The following ARHGEF2 variants were observed in gnomAD, a reference collection of about 807,000 sequenced individuals.
The protein encoded by ARHGEF2 is Rho/Rac guanine nucleotide exchange factor 2, also known as rho guanine nucleotide exchange factor 2.
Under a neutral mutation model 121.0 loss-of-function variants are expected in ARHGEF2, and 22 were observed. That is an observed-to-expected ratio of 0.18 (90% CI 0.13 to 0.26). ARHGEF2 has a LOEUF of 0.26. Ranked by LOEUF, ARHGEF2 falls within the 10% of genes least tolerant of loss-of-function variation. The pLI is 1.00. For synonymous variants in ARHGEF2, 487 were observed against 530.0 expected, an observed-to-expected ratio of 0.92 and a Z score of 1.11; for missense variants, 907 against 1,336.0, an observed-to-expected ratio of 0.68 and a Z score of 5.01.
Position 155,951,440 on chromosome 1 carries a change from C to T in ARHGEF2, c.2259+43G>A. On this transcript the variant is annotated intron_variant, in intron 19 of 21. Coordinates refer to ENST00000361247, the MANE Select transcript of ARHGEF2 (RefSeq NM_001162383.2). This position sits in a 1 kb window ranked among gnomAD's most constrained non-coding sequence, Gnocchi z 5.1. Reference sequence around the variant, plus strand: ...GCCCCACCTAAACAGGCATCTCTAGCCTGGCTCCTCCCCTTCCCCATTCAA... The same window carrying T: ...GCCCCACCTAAACAGGCATCTCTAGTCTGGCTCCTCCCCTTCCCCATTCAA... 6.2e-7 allele frequency: 1 copy of T among 1,612,518 alleles called. No homozygotes were observed. The highest frequency in any genetic ancestry group is 8.5e-7 in the Non-Finnish European group (1 of 1,178,554).
At position 155,965,903 on chromosome 1, in the gene ARHGEF2, G is replaced by T; in HGVS notation, c.341-143C>A. On this transcript the variant is annotated intron_variant, in intron 4 of 21. Transcript: ENST00000361247. This position sits in a 1 kb window ranked among gnomAD's most constrained non-coding sequence, Gnocchi z 6.0. Reference sequence around the variant, plus strand: ...AGTCAAGAAAGATGGTAATGAGAATGCCACCTTACATTTGTGCCATACTCT... The same window carrying T: ...AGTCAAGAAAGATGGTAATGAGAATTCCACCTTACATTTGTGCCATACTCT... 1 of 1,040,258 alleles carries T rather than the reference G, an allele frequency of 9.6e-7. No individual in the cohort carries two copies. Among genetic ancestry groups the T allele is most frequent in the Non-Finnish European group, 1.3e-6 (1 of 755,530 alleles). 64.4% of individuals were successfully genotyped at this position (1,040,258 alleles called of 1,614,324 possible).
At chr1:155,957,935 T>C (rs1677038830) in intron 12 of ARHGEF2, 53 bp from the exon 13 acceptor site, 1 of 1,562,914 alleles carries the variant, frequency 6.4e-7, no homozygotes, top group African/African-American at 1.4e-5. Flanking sequence ...TCCCTTGGCA[T>C]ATTTAGGCCT....
At chr1:155,952,878 G>A (rs1675794291) in intron 14 of ARHGEF2, 50 bp from the exon 15 acceptor site, 1 of 1,590,588 alleles carries the variant, frequency 6.3e-7, no homozygotes, top group East Asian at 2.2e-5. Context: ...GGGTATGCAA[G>A]AGCGCCAGTA....
At chr1:155,971,921 A>G (rs1018561026) in intron 1 of ARHGEF2, among the ~76,000 whole-genome samples, 3 of 151,646 alleles carry the variant, frequency 2.0e-5, no homozygotes, top group Admixed American at 6.6e-5. Flanking sequence ...ATATACACAC[A>G]TAAGTAAAAG....
chr1:155,963,988 T>C (rs1048806337), intron 7 of ARHGEF2, among the ~76,000 whole-genome samples: 2 of 150,344 alleles, frequency 1.3e-5, no homozygotes, highest in South Asian at 4.2e-4. Flanking sequence ...CTACTAAAAA[T>C]GCAAAAATTA....
rs1678241728 is a variant in ARHGEF2 at position 155,962,785 on chromosome 1, C to T, written c.976-67G>A. ...AGCCACACTTTACCCACTGGACACACCTCTGGCCTCCTGCCAAACAGGCTG... is the reference window on the plus strand; with the variant it reads ...AGCCACACTTTACCCACTGGACACATCTCTGGCCTCCTGCCAAACAGGCTG... On this transcript the variant is annotated intron_variant, in intron 8 of 21. Transcript: ENST00000361247. This position sits in a 1 kb window ranked among gnomAD's most constrained non-coding sequence, Gnocchi z 5.8. 2.5e-6 allele frequency: 4 copies of T among 1,602,882 alleles called. No homozygotes were observed. Among genetic ancestry groups the T allele is most frequent in the African/African-American group, 2.7e-5 (2 of 74,778 alleles).
At chr1:155,957,247 T>C (rs1676876829) in intron 13 of ARHGEF2, among the ~76,000 whole-genome samples, 1 of 152,276 alleles carries the variant, frequency 6.6e-6, no homozygotes, top group African/African-American at 2.4e-5. Context: ...TTTGACACAC[T>C]GATTTCCTTC....
chr1:155,969,528 A>G (rs746365190), intron 1 of ARHGEF2: 18 of 1,383,924 alleles, frequency 1.3e-5, no homozygotes, highest in Non-Finnish European at 1.7e-5. Flanking sequence ...TGGGTCCCTG[A>G]CCTACCTGGC....
At chr1:155,964,510 AG>A (rs1678946808) in intron 7 of ARHGEF2, among the ~76,000 whole-genome samples, 1 of 152,060 alleles carries the variant, frequency 6.6e-6, no homozygotes, top group Non-Finnish European at 1.5e-5. Context: ...GGATAAAGAG[AG>A]GGTGTTGGAG....
At chr1:155,959,562 T>G (rs1324470959) in intron 11 of ARHGEF2, among the ~76,000 whole-genome samples, 1 of 152,160 alleles carries the variant, frequency 6.6e-6, no homozygotes, top group African/African-American at 2.4e-5. Flanking sequence ...TTTTATTTTT[T>G]GGGACCAAGT....
chr1:155,953,616 C>T (rs957913843), intron 14 of ARHGEF2, among the ~76,000 whole-genome samples: 5 of 151,892 alleles, frequency 3.3e-5, no homozygotes, highest in African/African-American at 1.2e-4. Flanking sequence ...GTGGTGGATG[C>T]CTGTAATCCC....
rs77345976 is a variant in ARHGEF2 at position 155,951,747 on chromosome 1, C to T, written c.2202G>A (p.Pro734=). ...CCATCAATTCCCATCTCACCTCTTG[C>T]GGTGATCTCAGCTGATTTCCATTTC... ...RDRNGNQLRS[P]QEEALQRLVN... The change falls in exon 18 of 22, where the codon CCG becomes CCA. Residue 734 remains proline, a synonymous_variant. Transcript: ENST00000361247. The surrounding 1 kb of genome is among the most constrained non-coding windows in gnomAD (Gnocchi z 5.1). 1.3e-5 allele frequency: 21 copies of T among 1,614,046 alleles called. No homozygotes were observed. Among genetic ancestry groups the T allele is most frequent in the East Asian group, 6.7e-5 (3 of 44,868 alleles).
At chr1:155,954,116 C>CA (rs1381325172) in intron 14 of ARHGEF2, among the ~76,000 whole-genome samples, 1 of 137,720 alleles carries the variant, frequency 7.3e-6, no homozygotes. Flanking sequence ...TGTGTACCAT[C>CA]ATGCCTAGCT....
At chr1:155,969,495 G>C in intron 1 of ARHGEF2, 195 bp from the exon 2 acceptor site, 2 of 1,419,068 alleles carry the variant, frequency 1.4e-6, no homozygotes, top group Non-Finnish European at 1.8e-6. Flanking sequence ...CCAGGCTCTG[G>C]GGCAGCCAGC....
rs1028463565 is a variant in ARHGEF2 at position 155,950,147 on chromosome 1, C to T, written c.2887+152G>A. The T allele has an allele frequency of 1.5e-5, 14 of 923,302 alleles. No homozygotes were observed. Among genetic ancestry groups the T allele is most frequent in the African/African-American group, 9.9e-5 (6 of 60,522 alleles). The allele number at this position is 923,302 out of a possible 1,614,324, so 57.2% of individuals were successfully genotyped here. A position where few individuals can be genotyped will look rare whatever the true frequency, so the allele number is the denominator to read the frequency against. ...GCCCCTCCTGCTTCCTAGACTTCCA[C>T]CACCCATTCATCATCAGACAAAACA... On this transcript the variant is annotated intron_variant, in intron 21 of 21. Coordinates refer to ENST00000361247, the MANE Select transcript of ARHGEF2 (RefSeq NM_001162383.2). The surrounding 1 kb of genome is among the most constrained non-coding windows in gnomAD (Gnocchi z 5.2).
At chr1:155,970,654 C>T (rs1202324716) in intron 1 of ARHGEF2, 15 of 985,366 alleles carry the variant, frequency 1.5e-5, no homozygotes, top group Non-Finnish European at 1.8e-5. Context: ...CTGACTCAGC[C>T]GAGGCCACGA....
intron 7 of ARHGEF2, among the ~76,000 whole-genome samples, chr1:155,964,178 A>G (rs56391294): frequency 0.015 from 1,506 of 100,990 alleles, 38 homozygotes; most frequent in Non-Finnish European, 0.018. Flanking sequence ...ATATATATAT[A>G]TATATATATA....
intron 16 of ARHGEF2, 52 bp downstream of exon 16, chr1:155,952,064 C>T: frequency 6.2e-6 from 10 of 1,614,144 alleles, no homozygotes. Flanking sequence ...TACCACTCTA[C>T]TAACTTTGGC....
chr1:155,957,681 T>G, intron 13 of ARHGEF2, 32 bp downstream of exon 13: 1 of 1,587,724 alleles, frequency 6.3e-7, no homozygotes, highest in South Asian at 1.1e-5. Flanking sequence ...CCTGAGGTCA[T>G]AAGCACATGC....
Sources: allele counts gnomAD v4.1 joint callset (sites outside exome capture counted in the v4.1 genomes callset), GRCh38; gene constraint gnomAD v4.1.1; non-coding constraint Gnocchi (gnomAD v3.1); transcripts MANE v1.5; gene names NCBI Gene and HGNC (gene_info 2026-07-23, HGNC 2026-07-21).